Variants in SESN3 observed in about 807,000 individuals in gnomAD.
The protein encoded by SESN3 is sestrin-3.
Under a neutral mutation model 55.3 loss-of-function variants are expected in SESN3, and 21 were observed. The ratio of observed to expected loss-of-function variants is 0.38; its 90% CI spans 0.27 to 0.55. SESN3 has a LOEUF of 0.55. SESN3 is among the 20% of genes least tolerant of loss of function. The probability of loss-of-function intolerance (pLI) is 0.76; values close to 1 mark genes in which losing one functional copy is unlikely to be tolerated. For synonymous variants in SESN3, 181 were observed against 203.1 expected (o/e 0.89, Z 0.93); for missense variants, 408 against 604.3 (o/e 0.68, Z 3.41).
At chr11:95,192,258 C>G (rs780788252) in intron 2 of SESN3, among the ~76,000 whole-genome samples, 1 of 151,934 alleles carries the variant, frequency 6.6e-6, no homozygotes, top group African/African-American at 2.4e-5. Flanking sequence ...AGAGTTTTCT[C>G]AAAAATAGAT....
Position 95,165,808 on chromosome 11 carries a change from A to T in SESN3, c.*7447T>A, listed in dbSNP as rs1859734319. The stretch of plus-strand genomic sequence containing the variant: ...AATGTTACCCTCCCTCCAAAGAAAA[A>T]AAGAGTCATTAAAGCACTAGAATAT... On this transcript the variant is annotated 3_prime_UTR_variant, in exon 10 of 10. Transcript: ENST00000536441. 1 of 152,180 alleles carries T rather than the reference A, an allele frequency of 6.6e-6. No individual in the cohort carries two copies. Among genetic ancestry groups the T allele is most frequent in the African/African-American group, 2.4e-5 (1 of 41,450 alleles). The allele number at this position is 152,180 out of a possible 1,614,324, so 9.4% of individuals were successfully genotyped here.
At chr11:95,224,487 G>A in intron 1 of SESN3, 1 of 435,066 alleles carries the variant, frequency 2.3e-6, no homozygotes, top group Non-Finnish European at 4.6e-6. Context: ...GCTCTTGGCT[G>A]AAAAGGAAAG....
intron 5 of SESN3, 45 bp downstream of exon 5, chr11:95,185,211 A>G (rs1167480295): frequency 1.8e-6 from 2 of 1,090,092 alleles, no homozygotes; most frequent in Non-Finnish European, 2.8e-6. Flanking sequence ...TAATATTAGA[A>G]GTTTAAAGCA....
At chr11:95,189,424 T>C (rs1028582924) in intron 4 of SESN3, among the ~76,000 whole-genome samples, 1 of 151,924 alleles carries the variant, frequency 6.6e-6, no homozygotes, top group South Asian at 2.1e-4. Context: ...CCTCATTCCG[T>C]AGAAGGGAGA....
At chr11:95,200,188 C>A (rs983963502) in intron 1 of SESN3, among the ~76,000 whole-genome samples, 9 of 151,984 alleles carry the variant, frequency 5.9e-5, no homozygotes, top group Non-Finnish European at 1.2e-4. Flanking sequence ...TATAAACAGG[C>A]AGCTCTATGC....
chr11:95,191,275 G>T (rs1346449248), intron 3 of SESN3, 129 bp downstream of exon 3: 1 of 731,552 alleles, frequency 1.4e-6, no homozygotes, highest in Non-Finnish European at 2.4e-6. Flanking sequence ...AAGGCCATAG[G>T]CTTCTTCAGT....
intron 1 of SESN3, among the ~76,000 whole-genome samples, chr11:95,196,548 A>C (rs1041595749): frequency 6.6e-6 from 1 of 152,154 alleles, no homozygotes; most frequent in Non-Finnish European, 1.5e-5. Context: ...CCAAATGTCC[A>C]AGGACCAAGT....
chr11:95,230,991 C>A lies in SESN3; in HGVS notation c.-131G>T. The A allele has an allele frequency of 1.9e-6, 1 of 528,430 alleles. No individual in the cohort carries two copies. The highest frequency in any genetic ancestry group is 3.5e-5 in the South Asian group (1 of 28,280). 32.7% of individuals were successfully genotyped at this position (528,430 alleles called of 1,614,324 possible). On this transcript the variant is annotated 5_prime_UTR_variant, in exon 1 of 10. Transcript: ENST00000536441. The surrounding 1 kb of genome is among the most constrained non-coding windows in gnomAD (Gnocchi z 4.6). ...CCTCAGCCTCCTCAAGGCGGGATGTCGGGAGGAGAGGCGACTGCCTGAAAG... is the reference window on the plus strand; with the variant it reads ...CCTCAGCCTCCTCAAGGCGGGATGTAGGGAGGAGAGGCGACTGCCTGAAAG...
chr11:95,222,617 A>T (rs1252057396), intron 1 of SESN3, among the ~76,000 whole-genome samples: 2 of 152,246 alleles, frequency 1.3e-5, no homozygotes, highest in African/African-American at 2.4e-5. Flanking sequence ...AATAAGAGGC[A>T]ACCTAGTAGG....
intron 1 of SESN3, among the ~76,000 whole-genome samples, chr11:95,199,249 G>A (rs562800914): frequency 6.6e-6 from 1 of 152,008 alleles, no homozygotes; most frequent in South Asian, 2.1e-4. Flanking sequence ...TATAAAATAG[G>A]AACTCACACT....
chr11:95,208,970 G>C (rs888320784), intron 1 of SESN3, among the ~76,000 whole-genome samples: 7 of 151,488 alleles, frequency 4.6e-5, no homozygotes, highest in Non-Finnish European at 7.4e-5. Context: ...AAAAACCCTA[G>C]AAGAAAAGCT....
intron 6 of SESN3, among the ~76,000 whole-genome samples, chr11:95,180,988 T>A (rs1169556509): frequency 3.3e-5 from 5 of 152,124 alleles, no homozygotes; most frequent in African/African-American, 1.2e-4. Flanking sequence ...GTAGTAGCAA[T>A]CACTGAGGCT....
At chr11:95,223,533 G>C (rs1051367820) in intron 1 of SESN3, among the ~76,000 whole-genome samples, 27 of 152,100 alleles carry the variant, frequency 1.8e-4, no homozygotes, top group Non-Finnish European at 1.5e-5. Context: ...TCAGAAAAAA[G>C]ATGCTCATGA....
At chr11:95,196,498 G>C (rs190391978) in intron 1 of SESN3, among the ~76,000 whole-genome samples, 1 of 151,740 alleles carries the variant, frequency 6.6e-6, no homozygotes, top group African/African-American at 2.4e-5. Flanking sequence ...TAGAGTTCTG[G>C]TCAAATTATA....
chr11:95,193,103 G>A (rs596855), intron 2 of SESN3, among the ~76,000 whole-genome samples: 45,807 of 151,812 alleles, frequency 0.3, 7,568 homozygotes, highest in Non-Finnish European at 0.35. Flanking sequence ...ATGGTGCATC[G>A]TCCTCACCGA....
chr11:95,172,999 C>G lies in SESN3; in HGVS notation c.*256G>C. On this transcript the variant is annotated 3_prime_UTR_variant, in exon 10 of 10. Transcript: ENST00000536441. ...AGATTCATGATTTATGATCAGTATCCAAAACTCCAACTACAAACAATGCAA... is the reference window on the plus strand; with the variant it reads ...AGATTCATGATTTATGATCAGTATCGAAAACTCCAACTACAAACAATGCAA... The G allele has an allele frequency of 2.7e-6, 1 of 375,716 alleles. No homozygotes were observed. Among genetic ancestry groups the G allele is most frequent in the Non-Finnish European group, 4.9e-6 (1 of 206,060 alleles). The allele number at this position is 375,716 out of a possible 1,614,324, so 23.3% of individuals were successfully genotyped here. A position where few individuals can be genotyped will look rare whatever the true frequency, so the allele number is the denominator to read the frequency against.
intron 1 of SESN3, among the ~76,000 whole-genome samples, chr11:95,199,646 GA>G (rs1176656931): frequency 6.6e-6 from 1 of 151,932 alleles, no homozygotes; most frequent in Non-Finnish European, 1.5e-5. Context: ...GACTTCCAAA[GA>G]AAATTAATTG....
chr11:95,186,340 C>CAAAAT (rs1279552124), intron 4 of SESN3, among the ~76,000 whole-genome samples: 1 of 151,052 alleles, frequency 6.6e-6, no homozygotes, highest in African/African-American at 2.4e-5. Context: ...CAAAACAAAA[C>CAAAAT]AAAATAAAAA....
chr11:95,177,069 A>T (rs916415729), intron 8 of SESN3, among the ~76,000 whole-genome samples: 1 of 152,174 alleles, frequency 6.6e-6, no homozygotes, highest in Non-Finnish European at 1.5e-5. Context: ...TTGTAACTGG[A>T]AAGTTTTTCT....
Sources: gnomAD v4.1 joint callset for allele counts (sites outside exome capture counted in the v4.1 genomes callset) on GRCh38, gnomAD v4.1.1 for gene constraint, Gnocchi (gnomAD v3.1) non-coding constraint, MANE v1.5 for transcripts, NCBI Gene and HGNC (gene_info 2026-07-23, HGNC 2026-07-21) for gene names.